The following UTRN variants were observed in gnomAD, a reference collection of about 807,000 sequenced individuals.
UTRN encodes the protein dystrophin-related protein 1.
UTRN carries 283 observed loss-of-function variants against 463.9 expected under a neutral mutation model. The ratio of observed to expected loss-of-function variants is 0.61; its 90% CI spans 0.55 to 0.67. The LOEUF (loss-of-function observed/expected upper bound fraction) is 0.67, where lower values mean the gene tolerates loss of function less well. Among genes scored for constraint, UTRN ranks in the 30% least tolerant of loss-of-function variants. The pLI, the probability that UTRN is intolerant of heterozygous loss-of-function variation, is 0.00. For synonymous variants in UTRN, 1,442 were observed against 1,431.5 expected, an observed-to-expected ratio of 1.01 and a Z score of -0.17; for missense variants, 3,922 against 4,084.3, an observed-to-expected ratio of 0.96 and a Z score of 1.08.
intron 2 of UTRN, among the ~76,000 whole-genome samples, chr6:144,397,767 A>G (rs566491265): frequency 1.3e-5 from 2 of 152,202 alleles, no homozygotes; most frequent in African/African-American, 2.4e-5. Flanking sequence ...TTTCCATTAA[A>G]TTATCTTTAA....
At chr6:144,735,623 T>C (rs980360784) in intron 54 of UTRN, among the ~76,000 whole-genome samples, 7 of 152,224 alleles carry the variant, frequency 4.6e-5, no homozygotes, top group African/African-American at 1.7e-4. Context: ...TGTCTCATCT[T>C]ATCCAATTTA....
In UTRN at chr6:144,391,353, G is replaced by T. The variant is rs573612078; in HGVS notation, c.80-11770G>T. 4.6e-5 allele frequency among the ~76,000 whole-genome samples: 7 copies of T among 152,270 alleles called. No homozygotes were observed. In the South Asian group the frequency reaches 1.5e-3, roughly 32 times the overall value. On this transcript the variant is annotated intron_variant, in intron 2 of 74. Transcript: ENST00000367545. The stretch of plus-strand genomic sequence containing the variant: ...CCCAAAGGGCTGAGATTACAGATGT[G>T]AGCCACTTGCCTGGTCCCCAGTTCT...
At chr6:144,299,699 A>G (rs1805059175) in intron 2 of UTRN, among the ~76,000 whole-genome samples, 1 of 152,062 alleles carries the variant, frequency 6.6e-6, no homozygotes, top group South Asian at 2.1e-4. Context: ...ATCAGCTTAG[A>G]GTCCGCTGAT....
chr6:144,741,650 C>T (rs1790106268), intron 54 of UTRN, among the ~76,000 whole-genome samples: 1 of 152,122 alleles, frequency 6.6e-6, no homozygotes, highest in African/African-American at 2.4e-5. Flanking sequence ...TTGAATAAAT[C>T]GCAAAACTGC....
Position 144,635,797 on chromosome 6 carries a change from C to T in UTRN, c.7480-42609C>T, listed in dbSNP as rs886989718. 7.2e-5 allele frequency among the ~76,000 whole-genome samples: 11 copies of T among 151,892 alleles called. No individual in the cohort carries two copies. The South Asian group carries it at 1.0e-3, about 14-fold the overall frequency. On this transcript the variant is annotated intron_variant, in intron 51 of 74. Coordinates refer to ENST00000367545, the MANE Select transcript of UTRN (RefSeq NM_007124.3). ...CAAGTGATCTGCCTGCCTTGGCCTCCCAAAGTTCTGGGAGTACAGGTGTGA... is the reference window on the plus strand; with the variant it reads ...CAAGTGATCTGCCTGCCTTGGCCTCTCAAAGTTCTGGGAGTACAGGTGTGA...
chr6:144,424,974 A>G (rs966735066), intron 6 of UTRN, among the ~76,000 whole-genome samples: 2 of 152,242 alleles, frequency 1.3e-5, no homozygotes, highest in African/African-American at 4.8e-5. Context: ...TCAAGAAAAT[A>G]ACATTGAAAT....
chr6:144,616,990 A>G (rs1182797885), intron 51 of UTRN, among the ~76,000 whole-genome samples: 5 of 152,288 alleles, frequency 3.3e-5, no homozygotes, highest in African/African-American at 1.2e-4. Context: ...CTATTATTGA[A>G]TAAAGTCCCA....
At chr6:144,319,981 A>G (rs1370225496) in intron 2 of UTRN, among the ~76,000 whole-genome samples, 1 of 151,584 alleles carries the variant, frequency 6.6e-6, no homozygotes, top group Non-Finnish European at 1.5e-5. Flanking sequence ...AGTCTCCTGA[A>G]TAGTTGGGAT....
rs769014440 is a variant in UTRN at position 144,447,756 on chromosome 6, A to G, written c.1877A>G (p.Gln626Arg). The change falls in exon 16 of 75, where the codon CAG becomes CGG. Residue 626 changes from glutamine to arginine, a missense_variant. Gln to Arg is a conservative substitution (Grantham distance 43). Transcript: ENST00000367545. Reference sequence around the variant, plus strand: ...ACTCAAAGATGGGATTCTTTGGTTCAGAGACTAGAAGATTCCTCCAACCAG... The same window carrying G: ...ACTCAAAGATGGGATTCTTTGGTTCGGAGACTAGAAGATTCCTCCAACCAG... ...ELTQRWDSLV[Q>R]RLEDSSNQVT... 18 of 1,612,482 alleles carry G rather than the reference A, an allele frequency of 1.1e-5. No individual in the cohort carries two copies. In the African/African-American group the frequency reaches 1.7e-4, roughly 16 times the overall value.
intron 52 of UTRN, among the ~76,000 whole-genome samples, chr6:144,681,949 A>G (rs986963331): frequency 1.3e-5 from 2 of 152,168 alleles, no homozygotes; most frequent in Non-Finnish European, 2.9e-5. Context: ...AAAATGTGGT[A>G]TCTATCCCCT....
intron 2 of UTRN, among the ~76,000 whole-genome samples, chr6:144,300,524 T>G (rs1159893506): frequency 6.6e-6 from 1 of 152,222 alleles, no homozygotes; most frequent in Admixed American, 6.5e-5. Flanking sequence ...ATCTTTTACC[T>G]CTTTGAAGAT....
intron 53 of UTRN, among the ~76,000 whole-genome samples, chr6:144,713,069 A>G (rs1785914384): frequency 6.6e-6 from 1 of 152,166 alleles, no homozygotes; most frequent in African/African-American, 2.4e-5. Flanking sequence ...TTGGGACCAA[A>G]AGTATTTAGA....
At chr6:144,695,209 T>G (rs1783864950) in intron 52 of UTRN, among the ~76,000 whole-genome samples, 4 of 152,216 alleles carry the variant, frequency 2.6e-5, no homozygotes, top group Admixed American at 2.6e-4. Flanking sequence ...ATGCTAGATC[T>G]ACCCTAAGTG....
At chr6:144,531,563 T>G (rs1459004196) in intron 42 of UTRN, among the ~76,000 whole-genome samples, 1 of 152,196 alleles carries the variant, frequency 6.6e-6, no homozygotes, top group African/African-American at 2.4e-5. Flanking sequence ...CTTAAACACT[T>G]AGGCATCTCA....
chr6:144,766,847 A>G (rs1793414806), intron 58 of UTRN, among the ~76,000 whole-genome samples: 1 of 152,024 alleles, frequency 6.6e-6, no homozygotes, highest in Non-Finnish European at 1.5e-5. Context: ...TCTACAAAGG[A>G]TAGTCTTCTT....
intron 54 of UTRN, among the ~76,000 whole-genome samples, chr6:144,742,988 A>G (rs973799843): frequency 1.3e-5 from 2 of 152,348 alleles, no homozygotes; most frequent in African/African-American, 4.8e-5. Context: ...TGATCCTTCT[A>G]TTTCACAATA....
intron 2 of UTRN, among the ~76,000 whole-genome samples, chr6:144,382,182 C>T (rs762412471): frequency 8.5e-5 from 13 of 152,178 alleles, no homozygotes; most frequent in East Asian, 1.9e-4. Flanking sequence ...TAAGCTACAG[C>T]GATGTTCTTA....
intron 2 of UTRN, among the ~76,000 whole-genome samples, chr6:144,299,815 A>G (rs2473143): frequency 0.15 from 22,827 of 151,938 alleles, 2,309 homozygotes; most frequent in African/African-American, 0.28. Flanking sequence ...TTCAACCTCT[A>G]TGCTAGTTTT....
At chr6:144,304,525 T>G (rs923121409) in intron 2 of UTRN, among the ~76,000 whole-genome samples, 10 of 152,204 alleles carry the variant, frequency 6.6e-5, no homozygotes, top group Non-Finnish European at 1.2e-4. Context: ...CTGTGTGAGC[T>G]CACGGGAGTG....
Sources: allele counts gnomAD v4.1 joint callset (sites outside exome capture counted in the v4.1 genomes callset), GRCh38; gene constraint gnomAD v4.1.1; transcripts MANE v1.5; gene names NCBI Gene and HGNC (gene_info 2026-07-23, HGNC 2026-07-21).